Variants in LINGO2 observed in about 807,000 individuals in gnomAD.
LINGO2 encodes leucine rich repeat and Ig domain containing 2.
LINGO2 carries 14 observed loss-of-function variants against 30.6 expected under a neutral mutation model. The ratio of observed to expected loss-of-function variants is 0.46; its 90% confidence interval spans 0.30 to 0.72. LINGO2 has a LOEUF of 0.72. Ranked by LOEUF, LINGO2 falls within the 30% of genes least tolerant of loss-of-function variation. The pLI, the probability that LINGO2 is intolerant of heterozygous loss-of-function variation, is 0.07. For synonymous variants in LINGO2, 317 were observed against 288.5 expected (o/e 1.10, Z -1.00); for missense variants, 729 against 751.7 (o/e 0.97, Z 0.35).
the LINGO2 span, among the ~76,000 whole-genome samples, chr9:28,874,361 A>C: frequency 6.6e-6 from 1 of 152,042 alleles, no homozygotes; most frequent in Non-Finnish European, 1.5e-5. Context: ...AAATAAATTA[A>C]AGCAAATAAT....
At chr9:29,001,934 C>A in the LINGO2 span, among the ~76,000 whole-genome samples, 2 of 151,980 alleles carry the variant, frequency 1.3e-5, no homozygotes, top group Admixed American at 1.3e-4. Flanking sequence ...CCACCTGCTT[C>A]TCTCTTCATC....
chr9:28,167,311 ATCC>A (rs3064783), intron 4 of LINGO2, among the ~76,000 whole-genome samples: 150,962 of 152,218 alleles, frequency 0.99, 74,876 homozygotes, highest in Middle Eastern at 1. Flanking sequence ...ATTCTACGTG[ATCC>A]TCCTTGGGCT....
In LINGO2 at chr9:28,145,670, C is replaced by T. The variant is rs563437215; in HGVS notation, c.-86-133265G>A. Among the ~76,000 whole-genome samples the T allele has an allele frequency of 3.3e-5, 5 of 152,176 alleles. 1 individual carries two copies. The East Asian group carries it at 5.8e-4, about 18-fold the overall frequency. ...CTCCCTCCCTCACTTCTCTTCCTCC[C>T]TCCTTCTCCCTCTCTCTCTCATCTT... On this transcript the variant is annotated intron_variant, in intron 4 of 5. Transcript: ENST00000379992.
At chr9:28,447,493 A>G (rs1315229229) in intron 2 of LINGO2, among the ~76,000 whole-genome samples, 3 of 152,180 alleles carry the variant, frequency 2.0e-5, no homozygotes, top group Non-Finnish European at 4.4e-5. Flanking sequence ...TTTGCTGCTT[A>G]TAAGCCACAC....
chr9:28,153,021 A>G (rs1313620618), intron 4 of LINGO2, among the ~76,000 whole-genome samples: 1 of 152,010 alleles, frequency 6.6e-6, no homozygotes, highest in African/African-American at 2.4e-5. Flanking sequence ...AAGATAAATA[A>G]CCCCCGATGC....
intron 4 of LINGO2, among the ~76,000 whole-genome samples, chr9:28,104,616 T>C (rs1235318352): frequency 6.6e-6 from 1 of 151,978 alleles, no homozygotes; most frequent in Non-Finnish European, 1.5e-5. Flanking sequence ...ACACCCTGAC[T>C]CTCCATTATT....
chr9:28,883,667 T>C, the LINGO2 span, among the ~76,000 whole-genome samples: 7 of 134,736 alleles, frequency 5.2e-5, no homozygotes, highest in African/African-American at 1.7e-4. Context: ...TATATATATA[T>C]ATTTGGTTTT....
chr9:28,976,059 T>C, the LINGO2 span, among the ~76,000 whole-genome samples: 1 of 152,156 alleles, frequency 6.6e-6, no homozygotes. Flanking sequence ...AGAAATTAAA[T>C]TATATTTTTC....
chr9:28,814,240 C>G, the LINGO2 span, among the ~76,000 whole-genome samples: 5 of 152,202 alleles, frequency 3.3e-5, no homozygotes, highest in African/African-American at 1.2e-4. Context: ...ACATTGAGAC[C>G]ATCCTGGCCA....
At chr9:28,581,613 C>T (rs1040391739) in intron 1 of LINGO2, among the ~76,000 whole-genome samples, 6 of 151,488 alleles carry the variant, frequency 4.0e-5, no homozygotes, top group Middle Eastern at 3.2e-3. Flanking sequence ...TTATTTATGT[C>T]ATTTCTCATA....
At chr9:28,088,040 G>A (rs1825963417) in intron 4 of LINGO2, among the ~76,000 whole-genome samples, 1 of 151,934 alleles carries the variant, frequency 6.6e-6, no homozygotes, top group East Asian at 1.9e-4. Flanking sequence ...CAATTTAAAG[G>A]AACAGATTTT....
the LINGO2 span, among the ~76,000 whole-genome samples, chr9:28,765,876 G>GA: frequency 2.0e-5 from 3 of 151,736 alleles, no homozygotes; most frequent in African/African-American, 7.3e-5. Flanking sequence ...ATCATGGTGG[G>GA]AAAATTAGAT....
chr9:29,210,073 C>T, the LINGO2 span, among the ~76,000 whole-genome samples: 2 of 152,256 alleles, frequency 1.3e-5, no homozygotes, highest in East Asian at 3.9e-4. Context: ...AAGTATCAAG[C>T]CAATTAATTT....
chr9:28,831,315 G>T, the LINGO2 span, among the ~76,000 whole-genome samples: 2 of 152,052 alleles, frequency 1.3e-5, no homozygotes, highest in Non-Finnish European at 2.9e-5. Flanking sequence ...AAGAAAATAG[G>T]GACTGTATAA....
chr9:28,008,322 T>A (rs1486466416), intron 5 of LINGO2, among the ~76,000 whole-genome samples: 3 of 152,114 alleles, frequency 2.0e-5, no homozygotes, highest in Non-Finnish European at 4.4e-5. Context: ...TTTACCTATG[T>A]TATACATATA....
chr9:29,038,901 A>G, the LINGO2 span, among the ~76,000 whole-genome samples: 1 of 152,146 alleles, frequency 6.6e-6, no homozygotes, highest in Non-Finnish European at 1.5e-5. Context: ...GTACAGTATA[A>G]ATGGTGTCTA....
At chr9:28,625,102 A>G (rs1396626494) in intron 1 of LINGO2, among the ~76,000 whole-genome samples, 5 of 151,932 alleles carry the variant, frequency 3.3e-5, no homozygotes, top group African/African-American at 1.2e-4. Context: ...TGTATCTAGG[A>G]CCCCAGAGCC....
intron 1 of LINGO2, among the ~76,000 whole-genome samples, chr9:28,637,913 A>C (rs1827363405): frequency 6.6e-6 from 1 of 152,112 alleles, no homozygotes; most frequent in Non-Finnish European, 1.5e-5. Context: ...TTTCAAAGGG[A>C]ATGTTTCCAG....
intron 4 of LINGO2, among the ~76,000 whole-genome samples, chr9:28,257,690 T>A (rs1339843271): frequency 6.6e-6 from 1 of 151,962 alleles, no homozygotes; most frequent in Admixed American, 6.6e-5. Flanking sequence ...CATGCTTATT[T>A]ATTGCCTTTC....
Sources: allele counts gnomAD v4.1 joint callset (sites outside exome capture counted in the v4.1 genomes callset), GRCh38; gene constraint gnomAD v4.1.1; transcripts MANE v1.5; gene names NCBI Gene and HGNC (gene_info 2026-07-23, HGNC 2026-07-21).